Variants in PKIB observed in about 807,000 individuals in gnomAD.
PKIB encodes the protein PKI-beta.
Under a neutral mutation model 4.5 loss-of-function variants are expected in PKIB, and 2 were observed. That is an observed-to-expected ratio of 0.44 (90% confidence interval 0.18 to 1.39). The LOEUF is 1.39. Among genes scored for constraint, PKIB ranks in the 40% most tolerant of loss-of-function variants. The pLI, the probability that PKIB is intolerant of heterozygous loss-of-function variation, is 0.27. For missense variants in PKIB, 94 were observed against 92.6 expected (o/e 1.02, Z -0.06); for synonymous variants, 38 against 36.0 (o/e 1.06, Z -0.20).
chr6:122,543,355 CTTTTT>C (rs34068830), intron 2 of PKIB, among the ~76,000 whole-genome samples: 13 of 138,804 alleles, frequency 9.4e-5, no homozygotes, highest in Admixed American at 5.8e-4. Flanking sequence ...CCACCCCCTC[CTTTTT>C]TTTTTTTTTT....
At position 122,524,122 on chromosome 6, in the gene PKIB, C is replaced by T. The variant is rs551319610; in HGVS notation, c.-248+46183C>T. 7.9e-5 allele frequency among the ~76,000 whole-genome samples: 12 copies of T among 151,876 alleles called. 1 individual carries two copies. The South Asian group carries it at 1.7e-3, about 21-fold the overall frequency. On this transcript the variant is annotated intron_variant, in intron 2 of 6. Coordinates refer to the PKIB transcript ENST00000392491. ...TCTTTCTTCTCTCTTCTTCCTTCTTCCTTCTCCTCCTCCTTCCTCCTCCTC... is the reference window on the plus strand; with the variant it reads ...TCTTTCTTCTCTCTTCTTCCTTCTTTCTTCTCCTCCTCCTTCCTCCTCCTC...
intron 2 of PKIB, among the ~76,000 whole-genome samples, chr6:122,504,792 T>C (rs1035334956): frequency 3.3e-5 from 5 of 152,170 alleles, no homozygotes; most frequent in African/African-American, 1.2e-4. Context: ...ATAAAATGTG[T>C]TGGTTTAGAA....
chr6:122,711,133 G>GCA (rs35051624), intron 3 of PKIB, among the ~76,000 whole-genome samples: 44,436 of 151,538 alleles, frequency 0.29, 7,427 homozygotes, highest in African/African-American at 0.43. Context: ...AATATACATA[G>GCA]CACACACACA....
At chr6:122,666,215 C>G (rs1777214881) in intron 2 of PKIB, among the ~76,000 whole-genome samples, 1 of 152,280 alleles carries the variant, frequency 6.6e-6, no homozygotes, top group East Asian at 1.9e-4. Context: ...AGTGCACTCA[C>G]CATCGACACT....
chr6:122,710,663 C>T (rs1279663438), intron 3 of PKIB, among the ~76,000 whole-genome samples: 2 of 152,190 alleles, frequency 1.3e-5, no homozygotes, highest in East Asian at 3.9e-4. Context: ...GCCTCCACTG[C>T]TCACGTGGTA....
intron 2 of PKIB, chr6:122,478,530 G>A (rs942998517): frequency 5.3e-5 from 8 of 152,092 alleles, no homozygotes; most frequent in Non-Finnish European, 1.2e-4. Flanking sequence ...GCTTTGATAC[G>A]GGCATGGCTG....
At chr6:122,491,727 T>C (rs1187653641) in intron 2 of PKIB, among the ~76,000 whole-genome samples, 1 of 152,196 alleles carries the variant, frequency 6.6e-6, no homozygotes, top group African/African-American at 2.4e-5. Context: ...TACACACTCC[T>C]CTGAGTTATA....
intron 2 of PKIB, among the ~76,000 whole-genome samples, chr6:122,673,804 G>A (rs1355672953): frequency 6.6e-6 from 1 of 152,194 alleles, no homozygotes; most frequent in Non-Finnish European, 1.5e-5. Flanking sequence ...AAAAAAATGT[G>A]TTTGCAGCAG....
chr6:122,552,874 G>C (rs985209763), intron 2 of PKIB, among the ~76,000 whole-genome samples: 4 of 152,116 alleles, frequency 2.6e-5, no homozygotes, highest in Non-Finnish European at 5.9e-5. Context: ...CTAGTGGTGG[G>C]GTTGGGTGGA....
chr6:122,588,029 T>G (rs1049013745), intron 3 of PKIB, among the ~76,000 whole-genome samples: 7 of 152,182 alleles, frequency 4.6e-5, no homozygotes, highest in African/African-American at 1.2e-4. Flanking sequence ...TTAGTTTAAT[T>G]AGATCCCATT....
intron 2 of PKIB, among the ~76,000 whole-genome samples, chr6:122,503,458 A>G (rs769493318): frequency 6.6e-6 from 1 of 152,256 alleles, no homozygotes; most frequent in Non-Finnish European, 1.5e-5. Flanking sequence ...GGCTTAAGAA[A>G]TTAAGAAGAG....
intron 3 of PKIB, among the ~76,000 whole-genome samples, chr6:122,596,289 C>G (rs1362503555): frequency 3.3e-5 from 5 of 152,214 alleles, no homozygotes; most frequent in Non-Finnish European, 5.9e-5. Context: ...CTAGTCTTCT[C>G]TTCCTCTGTC....
chr6:122,700,261 T>C (rs1261124691), intron 3 of PKIB, among the ~76,000 whole-genome samples: 5 of 142,104 alleles, frequency 3.5e-5, no homozygotes, highest in South Asian at 2.2e-4. Flanking sequence ...CTTTTTTTTT[T>C]TTTTTTTTTT....
At chr6:122,474,441 A>T (rs1354312935) in intron 1 of PKIB, among the ~76,000 whole-genome samples, 1 of 152,214 alleles carries the variant, frequency 6.6e-6, no homozygotes, top group Non-Finnish European at 1.5e-5. Context: ...GTTCCATGAA[A>T]TATAGTTTAA....
At chr6:122,526,852 T>C (rs1380660431) in intron 2 of PKIB, among the ~76,000 whole-genome samples, 1 of 152,168 alleles carries the variant, frequency 6.6e-6, no homozygotes, top group Non-Finnish European at 1.5e-5. Flanking sequence ...ATCCTCATTG[T>C]AAGAGTCAGT....
intron 2 of PKIB, among the ~76,000 whole-genome samples, chr6:122,560,546 G>A (rs1433970188): frequency 1.3e-5 from 2 of 152,064 alleles, no homozygotes; most frequent in Non-Finnish European, 2.9e-5. Context: ...GGTGATGCTG[G>A]CTTCATGAAA....
intron 2 of PKIB, among the ~76,000 whole-genome samples, chr6:122,658,268 C>T (rs912466016): frequency 7.2e-5 from 11 of 152,032 alleles, no homozygotes; most frequent in Non-Finnish European, 1.2e-4. Context: ...ACATCAGGCA[C>T]ACATGACCAC....
chr6:122,687,901 G>C (rs1778155392), intron 3 of PKIB, among the ~76,000 whole-genome samples: 1 of 151,882 alleles, frequency 6.6e-6, no homozygotes, highest in African/African-American at 2.4e-5. Flanking sequence ...CTGCACACAA[G>C]AGTAATTTGA....
chr6:122,626,381 T>C (rs1369331180), intron 1 of PKIB, among the ~76,000 whole-genome samples: 1 of 152,244 alleles, frequency 6.6e-6, no homozygotes, highest in African/African-American at 2.4e-5. Flanking sequence ...TATATTGTCC[T>C]AAGTCCTGCA....
Sources: allele counts gnomAD v4.1 joint callset (sites outside exome capture counted in the v4.1 genomes callset), GRCh38; gene constraint gnomAD v4.1.1; transcripts MANE v1.5; gene names NCBI Gene and HGNC (gene_info 2026-07-23, HGNC 2026-07-21).